STK31: variants seen among roughly 807,000 people sequenced by gnomAD.
STK31 encodes the protein serine/threonine-protein kinase 31.
Under a neutral mutation model 129.7 loss-of-function variants are expected in STK31, and 89 were observed. The ratio of observed to expected loss-of-function variants is 0.69; its 90% confidence interval spans 0.58 to 0.82. The LOEUF (loss-of-function observed/expected upper bound fraction) is 0.82. STK31 is among the 40% of genes least tolerant of loss of function. The pLI is 0.00. For synonymous variants in STK31, 448 were observed against 395.3 expected (o/e 1.13, Z -1.58); for missense variants, 1,187 against 1,176.4 (o/e 1.01, Z -0.13).
chr7:23,816,077 A>T (rs1471715018), intron 23 of STK31, among the ~76,000 whole-genome samples: 1 of 152,148 alleles, frequency 6.6e-6, no homozygotes, highest in Non-Finnish European at 1.5e-5. Context: ...AAATCATTTT[A>T]AAAAAACATA....
chr7:23,819,126 C>A (rs1390489589), intron 23 of STK31, among the ~76,000 whole-genome samples: 1 of 152,110 alleles, frequency 6.6e-6, no homozygotes, highest in African/African-American at 2.4e-5. Context: ...GACTTTTGTT[C>A]CTGATCTACT....
intron 8 of STK31, among the ~76,000 whole-genome samples, chr7:23,738,360 C>T (rs1042279562): frequency 6.6e-6 from 1 of 150,926 alleles, no homozygotes; most frequent in African/African-American, 2.4e-5. Flanking sequence ...CCCCAAATCT[C>T]ATTCAGAGTA....
chr7:23,811,392 T>C, intron 22 of STK31: 1 of 342,648 alleles, frequency 2.9e-6, no homozygotes, highest in South Asian at 3.0e-5. Flanking sequence ...TTCATATACA[T>C]CTTGTAGGCT....
At chr7:23,789,135 A>C (rs1791470935) in intron 21 of STK31, among the ~76,000 whole-genome samples, 2 of 152,124 alleles carry the variant, frequency 1.3e-5, no homozygotes, top group African/African-American at 4.8e-5. Context: ...TCAAAATGTC[A>C]TTCCTTTTTA....
intron 14 of STK31, chr7:23,771,662 T>C (rs1790203110): frequency 1.3e-5 from 2 of 152,916 alleles, no homozygotes; most frequent in African/African-American, 4.8e-5. Context: ...GTGTTGGACA[T>C]TAAGGTTACT....
intron 22 of STK31, among the ~76,000 whole-genome samples, chr7:23,810,842 ATATAAATATG>A (rs1295594171): frequency 7.1e-6 from 1 of 141,572 alleles, no homozygotes; most frequent in African/African-American, 2.6e-5. Flanking sequence ...ATATATTTGT[ATATAAATATG>A]TATAAATATA....
chr7:23,732,885 G>T (rs1787514723), intron 6 of STK31, among the ~76,000 whole-genome samples: 1 of 152,122 alleles, frequency 6.6e-6, no homozygotes, highest in South Asian at 2.1e-4. Flanking sequence ...GAAAGCAAGG[G>T]TTTTTATGTG....
At chr7:23,749,714 G>A (rs1413849693) in intron 8 of STK31, among the ~76,000 whole-genome samples, 1 of 152,032 alleles carries the variant, frequency 6.6e-6, no homozygotes, top group Admixed American at 6.6e-5. Flanking sequence ...GTTTAAATAT[G>A]TCTTTAATAA....
intron 6 of STK31, among the ~76,000 whole-genome samples, chr7:23,730,091 C>T (rs948273551): frequency 2.6e-5 from 4 of 151,998 alleles, no homozygotes; most frequent in African/African-American, 9.7e-5. Flanking sequence ...GGAAGACGTT[C>T]GATAATTTCA....
At chr7:23,749,904 A>C (rs900404897) in intron 8 of STK31, among the ~76,000 whole-genome samples, 1 of 151,968 alleles carries the variant, frequency 6.6e-6, no homozygotes, top group Non-Finnish European at 1.5e-5. Flanking sequence ...ACCTCCTCCC[A>C]TGTGGAAGGA....
At chr7:23,830,779 T>C (rs1053106680) in intron 23 of STK31, among the ~76,000 whole-genome samples, 4 of 151,940 alleles carry the variant, frequency 2.6e-5, no homozygotes, top group Non-Finnish European at 5.9e-5. Context: ...GCCACCACAC[T>C]CATCTAATGT....
intron 8 of STK31, 82 bp from the exon 9 acceptor site, chr7:23,752,635 C>G: frequency 9.4e-7 from 1 of 1,066,872 alleles, no homozygotes; most frequent in Non-Finnish European, 1.4e-6. Context: ...GCCACTGTGC[C>G]CAGCCAAAAA....
chr7:23,787,778 AC>A (rs1452576973), intron 20 of STK31, among the ~76,000 whole-genome samples: 10 of 148,542 alleles, frequency 6.7e-5, no homozygotes, highest in Non-Finnish European at 1.0e-4. Flanking sequence ...ACACACACAC[AC>A]ACAAACACAC....
At chr7:23,781,340 TTACTA>T in intron 15 of STK31, 74 bp from the exon 16 acceptor site, 1 of 1,038,706 alleles carries the variant, frequency 9.6e-7, no homozygotes, top group South Asian at 1.4e-5. Context: ...ACAGAGTAAT[TTACTA>T]TAGAACTTGA....
intron 4 of STK31, among the ~76,000 whole-genome samples, chr7:23,725,370 T>TCC (rs1332041510): frequency 8.5e-4 from 6 of 7,044 alleles, no homozygotes; most frequent in Admixed American, 6.1e-3. Context: ...ACCCTGTTTC[T>TCC]ACAAAAAAAA....
intron 10 of STK31, among the ~76,000 whole-genome samples, chr7:23,756,315 A>C (rs1789081607): frequency 6.6e-6 from 1 of 152,140 alleles, no homozygotes; most frequent in Admixed American, 6.5e-5. Context: ...GTTGGTGTGT[A>C]GGAATGCTTG....
At chr7:23,781,599 A>T (rs529639840) in intron 16 of STK31, 79 bp downstream of exon 16, 2 of 984,206 alleles carry the variant, frequency 2.0e-6, no homozygotes, top group African/African-American at 3.3e-5. Flanking sequence ...TATGAAGTGG[A>T]CTGTAATCAC....
intron 6 of STK31, among the ~76,000 whole-genome samples, chr7:23,730,870 A>ATTTTTTTT (rs1263694532): frequency 6.6e-5 from 3 of 45,298 alleles, no homozygotes; most frequent in Admixed American, 3.7e-4. Context: ...ATATATATAT[A>ATTTTTTTT]TATATATATT....
intron 22 of STK31, among the ~76,000 whole-genome samples, chr7:23,804,934 G>A (rs544503257): frequency 2.0e-5 from 3 of 151,836 alleles, no homozygotes; most frequent in Admixed American, 1.3e-4. Context: ...ACTCATTCTT[G>A]GACCCTATCA....
Sources: allele counts gnomAD v4.1 joint callset (sites outside exome capture counted in the v4.1 genomes callset), GRCh38; gene constraint gnomAD v4.1.1; transcripts MANE v1.5; gene names NCBI Gene and HGNC (gene_info 2026-07-23, HGNC 2026-07-21).